CD55: variants seen among roughly 807,000 people sequenced by gnomAD.
CD55 encodes the protein complement decay-accelerating factor.
In CD55, 41 loss-of-function variants were observed where a neutral mutation model predicts 45.8. That is an observed-to-expected ratio of 0.90 (90% confidence interval 0.70 to 1.16). CD55 has a LOEUF of 1.16. Ranked by LOEUF, CD55 falls within the 50% of genes most tolerant of loss-of-function variation. The pLI, the probability that CD55 is intolerant of heterozygous loss-of-function variation, is 0.00. For missense variants in CD55, 416 were observed against 469.8 expected, an observed-to-expected ratio of 0.89 and a Z score of 1.06; for synonymous variants, 181 against 181.1, an observed-to-expected ratio of 1.00 and a Z score of 0.01.
intron 1 of CD55, among the ~76,000 whole-genome samples, chr1:207,322,082 G>T (rs7533852): frequency 0.4 from 60,742 of 151,994 alleles, 12,629 homozygotes; most frequent in Middle Eastern, 0.54. Flanking sequence ...AGGGGTCGGC[G>T]TGGAGGGTTA....
At chr1:207,353,773 C>G (rs1025968197) in intron 9 of CD55, among the ~76,000 whole-genome samples, 1 of 152,052 alleles carries the variant, frequency 6.6e-6, no homozygotes, top group African/African-American at 2.4e-5. Context: ...CTTAAAGGGT[C>G]CTGTGGATGT....
intron 4 of CD55, 102 bp from the exon 5 acceptor site, chr1:207,326,650 T>C (rs1654696682): frequency 1.2e-6 from 1 of 836,372 alleles, no homozygotes; most frequent in Non-Finnish European, 2.0e-6. Flanking sequence ...TATATTCACC[T>C]AATTGTGTAG....
In CD55 at chr1:207,331,269, T is replaced by C; in HGVS notation, c.826T>C (p.Trp276Arg). 6.2e-7 allele frequency: 1 copy of C among 1,613,590 alleles called. No homozygotes were observed. Among genetic ancestry groups the C allele is most frequent in the Non-Finnish European group, 8.5e-7 (1 of 1,179,736 alleles). ...TACTGTGAATAATGATGAAGGAGAG[T>C]GGAGTGGCCCACCACCTGAATGCAG... is the stretch of plus-strand genomic sequence containing the variant. ...YCTVNNDEGEWSGPPPECRGK... is the reference protein window; with the variant it reads ...YCTVNNDEGERSGPPPECRGK... Residue 276 changes from tryptophan to arginine, a missense_variant, in exon 6 of 10, where the codon TGG becomes CGG. Around this residue, in one of 3 missense-constraint regions of CD55, gnomAD observed 182 missense variants for 201.4 expected, o/e 0.90. Transcript: ENST00000367064.
chr1:207,336,953 A>G, intron 7 of CD55, 135 bp downstream of exon 7: 1 of 939,856 alleles, frequency 1.1e-6, no homozygotes, highest in Non-Finnish European at 1.7e-6. Flanking sequence ...TTAGAAACCC[A>G]CCACAATAAA....
intron 9 of CD55, chr1:207,347,072 A>G (rs1655669145): frequency 2.2e-6 from 1 of 455,452 alleles, no homozygotes; most frequent in African/African-American, 2.0e-5. Flanking sequence ...TTGTTTGTTA[A>G]ATTCTAGTGT....
At chr1:207,328,831 G>A (rs936362485) in intron 5 of CD55, among the ~76,000 whole-genome samples, 1 of 152,108 alleles carries the variant, frequency 6.6e-6, no homozygotes, top group Non-Finnish European at 1.5e-5. Context: ...TATTCCTCCT[G>A]TGGACTATTG....
chr1:207,341,923 A>C (rs769969782), intron 9 of CD55, among the ~76,000 whole-genome samples: 2 of 151,658 alleles, frequency 1.3e-5, no homozygotes, highest in African/African-American at 4.8e-5. Context: ...TCTTTTATCT[A>C]TGTTTTGTAG....
intron 3 of CD55, among the ~76,000 whole-genome samples, chr1:207,325,399 T>A (rs1036720223): frequency 6.6e-6 from 1 of 151,580 alleles, no homozygotes; most frequent in Non-Finnish European, 1.5e-5. Flanking sequence ...AATTTACATA[T>A]ATGTGCTTGA....
chr1:207,322,497 T>C lies in CD55; in HGVS notation c.216T>C (p.Ile72=). Residue 72 remains isoleucine, a synonymous_variant, in exon 2 of 10, where the codon ATT becomes ATC. Transcript: ENST00000367064. The part of the protein sequence containing the change: ...TYKCEESFVK[I]PGEKDSVICL... ...AATGTGAAGAAAGCTTTGTGAAAATTCCTGGCGAGAAGGACTCAGTGATCT... is the reference window on the plus strand; with the variant it reads ...AATGTGAAGAAAGCTTTGTGAAAATCCCTGGCGAGAAGGACTCAGTGATCT... 6.2e-7 allele frequency: 1 copy of C among 1,614,216 alleles called. No individual in the cohort carries two copies. The highest frequency in any genetic ancestry group is 8.5e-7 in the Non-Finnish European group (1 of 1,180,034).
intron 9 of CD55, among the ~76,000 whole-genome samples, chr1:207,357,383 A>G (rs1656116437): frequency 6.6e-6 from 1 of 152,168 alleles, no homozygotes; most frequent in Non-Finnish European, 1.5e-5. Flanking sequence ...AGCATCAGCA[A>G]AGCTACTCTG....
chr1:207,322,302 A>G (rs767361258), intron 1 of CD55, 80 bp from the exon 2 acceptor site: 3 of 1,184,478 alleles, frequency 2.5e-6, no homozygotes, highest in South Asian at 2.4e-5. Flanking sequence ...GTGGCATTTC[A>G]AGGGGGCTTG....
At chr1:207,328,844 A>G (rs375607229) in intron 5 of CD55, among the ~76,000 whole-genome samples, 4 of 152,150 alleles carry the variant, frequency 2.6e-5, no homozygotes, top group Admixed American at 2.0e-4. Context: ...GACTATTGCA[A>G]TTAGGGCCAC....
chr1:207,354,211 T>C, intron 9 of CD55: 1 of 1,290,674 alleles, frequency 7.7e-7, no homozygotes, highest in Non-Finnish European at 9.9e-7. Flanking sequence ...AGGTATTTTA[T>C]TGAAAATATT....
intron 9 of CD55, among the ~76,000 whole-genome samples, chr1:207,353,628 G>A (rs1186394876): frequency 1.3e-5 from 2 of 152,096 alleles, no homozygotes; most frequent in South Asian, 2.1e-4. Context: ...TGTTATTCAG[G>A]TTTAAGTCAG....
intron 2 of CD55, 56 bp downstream of exon 2, chr1:207,322,623 T>G (rs1286087614): frequency 1.4e-5 from 20 of 1,401,322 alleles, no homozygotes; most frequent in Admixed American, 2.1e-5. Context: ...CTTAAATTTA[T>G]TTTTATATAC....
intron 9 of CD55, among the ~76,000 whole-genome samples, chr1:207,341,909 G>A (rs1294162073): frequency 1.3e-5 from 2 of 151,854 alleles, no homozygotes; most frequent in Non-Finnish European, 2.9e-5. Flanking sequence ...TGCCCTCTTC[G>A]ATTTCTTTTA....
At chr1:207,345,000 G>A (rs1032407069) in intron 9 of CD55, among the ~76,000 whole-genome samples, 1 of 152,200 alleles carries the variant, frequency 6.6e-6, no homozygotes, top group Non-Finnish European at 1.5e-5. Flanking sequence ...ACAGGCATGA[G>A]CCACCGCACC....
chr1:207,323,119 T>C (rs1205026896), intron 2 of CD55, among the ~76,000 whole-genome samples: 1 of 151,786 alleles, frequency 6.6e-6, no homozygotes, highest in East Asian at 1.9e-4. Context: ...TCTTCTCTTC[T>C]TGCTACTTTG....
intron 9 of CD55, among the ~76,000 whole-genome samples, chr1:207,345,993 A>T (rs577433183): frequency 6.6e-6 from 1 of 152,186 alleles, no homozygotes; most frequent in East Asian, 1.9e-4. Context: ...GCCCAGGGTG[A>T]TGTTGCTGGC....
Sources: gnomAD v4.1 joint callset for allele counts (sites outside exome capture counted in the v4.1 genomes callset) on GRCh38, gnomAD v4.1.1 for gene constraint, gnomAD v4.1.1 regional missense constraint, MANE v1.5 for transcripts, NCBI Gene and HGNC (gene_info 2026-07-23, HGNC 2026-07-21) for gene names.